TASOR2: variants seen among roughly 807,000 people sequenced by gnomAD.
TASOR2 encodes the protein transcription activation suppressor family member 2.
In TASOR2, 84 loss-of-function variants were observed where a neutral mutation model predicts 199.5. The ratio of observed to expected loss-of-function variants is 0.42; its 90% CI spans 0.35 to 0.50. The LOEUF (loss-of-function observed/expected upper bound fraction) is 0.50, where lower values mean the gene tolerates loss of function less well. TASOR2 is among the 20% of genes least tolerant of loss of function. The pLI is 0.02. For missense variants in TASOR2, 2,796 were observed against 2,835.9 expected (o/e 0.99, Z 0.32); for synonymous variants, 1,103 against 1,046.6 (o/e 1.05, Z -1.04).
At chr10:5,695,013 A>G (rs1836973301) in intron 1 of TASOR2, among the ~76,000 whole-genome samples, 1 of 152,232 alleles carries the variant, frequency 6.6e-6, no homozygotes, top group Non-Finnish European at 1.5e-5. Context: ...ATAAGAGATC[A>G]GTCTATAGTT....
chr10:5,700,892 C>T lies in TASOR2; in HGVS notation c.-287-11931C>T, dbSNP rs142877442. 1.3e-3 allele frequency among the ~76,000 whole-genome samples: 191 copies of T among 151,428 alleles called. 4 individuals carry two copies. The East Asian group carries it at 0.027, about 21-fold the overall frequency. On this transcript the variant is annotated intron_variant, in intron 1 of 20. Transcript: ENST00000328090. Reference sequence around the variant, plus strand: ...TATATTCTGGTTGTTAATCTTTTGGCGGGTGAGTAGTTTGCAAATATTTTC... The same window carrying T: ...TATATTCTGGTTGTTAATCTTTTGGTGGGTGAGTAGTTTGCAAATATTTTC...
At position 5,698,600 on chromosome 10, in the gene TASOR2, G is replaced by A. The variant is rs1837432019; in HGVS notation, c.-288+13425G>A. On this transcript the variant is annotated intron_variant, in intron 1 of 20. Transcript: ENST00000328090. The surrounding 1 kb of genome is among the most constrained non-coding windows in gnomAD (Gnocchi z 4.4). ...TGGGGACATGGTCATTCCTATTTAT[G>A]CATTTTCTATGGCTGTTTTTATGCT... 6.6e-6 allele frequency among the ~76,000 whole-genome samples: 1 copy of A among 152,076 alleles called. No individual in the cohort carries two copies. Among genetic ancestry groups the A allele is most frequent in the Non-Finnish European group, 1.5e-5 (1 of 67,974 alleles).
At chr10:5,731,886 G>A (rs773165744) in intron 11 of TASOR2, among the ~76,000 whole-genome samples, 4 of 152,206 alleles carry the variant, frequency 2.6e-5, no homozygotes, top group Non-Finnish European at 4.4e-5. Flanking sequence ...CCAGCAAACC[G>A]TGATAGCTGA....
chr10:5,753,102 T>C (rs1838307163), intron 15 of TASOR2, among the ~76,000 whole-genome samples: 1 of 152,182 alleles, frequency 6.6e-6, no homozygotes, highest in African/African-American at 2.4e-5. Context: ...AAAGATCCTT[T>C]AAGAAAGAAG....
chr10:5,761,041 A>G (rs1839747974), intron 18 of TASOR2: 2 of 364,200 alleles, frequency 5.5e-6, no homozygotes, highest in Admixed American at 4.4e-5. Context: ...TTGCCAAGCC[A>G]CATGGCTTGA....
intron 1 of TASOR2, among the ~76,000 whole-genome samples, chr10:5,696,872 T>TA (rs202062438): frequency 0.017 from 2,513 of 151,942 alleles, 76 homozygotes; most frequent in African/African-American, 0.058. Flanking sequence ...AAAGTTTATA[T>TA]AAAAAAAACT....
In TASOR2 at chr10:5,689,371, G is replaced by T. The variant is rs970421902; in HGVS notation, c.-288+4196G>T. Among the ~76,000 whole-genome samples the T allele has an allele frequency of 7.2e-5, 11 of 152,212 alleles. No individual in the cohort carries two copies. Among genetic ancestry groups the T allele is most frequent in the African/African-American group, 2.4e-4 (10 of 41,460 alleles). ...AATCCCAGCACTTTGGGTGGCCGAG[G>T]TGGGCGGATCAAGAGGTCAGGAGTT... is the stretch of plus-strand genomic sequence containing the variant. On this transcript the variant is annotated intron_variant, in intron 1 of 20. Transcript: ENST00000328090. The surrounding 1 kb of genome is among the most constrained non-coding windows in gnomAD (Gnocchi z 4.1).
chr10:5,712,980 A>G, intron 2 of TASOR2, 62 bp downstream of exon 2: 1 of 810,898 alleles, frequency 1.2e-6, no homozygotes, highest in Non-Finnish European at 1.7e-6. Context: ...GTGGTACTTC[A>G]GTTCTGTAAG....
Position 5,748,789 on chromosome 10 carries a change from G to A in TASOR2, c.5368G>A (p.Glu1790Lys). Residue 1790 changes from glutamate to lysine, a missense_variant, in exon 15 of 21, where the codon GAG becomes AAG. Transcript: ENST00000328090. The surrounding 1 kb of genome is among the most constrained non-coding windows in gnomAD (Gnocchi z 5.1). The stretch of plus-strand genomic sequence containing the variant: ...TACTTCTGTTTGTGGAATAGCCACA[G>A]AGCACGTAGAAATTGAGAACAGTGG... 2.5e-6 allele frequency: 4 copies of A among 1,614,190 alleles called. No homozygotes were observed. Among genetic ancestry groups the A allele is most frequent in the Non-Finnish European group, 3.4e-6 (4 of 1,180,042 alleles).
chr10:5,727,539 C>T (rs1468958573), intron 10 of TASOR2, among the ~76,000 whole-genome samples: 1 of 152,032 alleles, frequency 6.6e-6, no homozygotes, highest in African/African-American at 2.4e-5. Context: ...ACCCAGAGGA[C>T]CAAAATTTGG....
chr10:5,739,717 C>A, exon 13 of TASOR2: 5 of 1,614,052 alleles, frequency 3.1e-6, no homozygotes, highest in Non-Finnish European at 4.2e-6. Context: ...AATACCACAG[C>A]GGCTCACAAT....
rs1310646654 is a variant in TASOR2, at chr10:5,694,936, A to G, written c.-288+9761A>G. ...TGGAATGAGCCCTAATTGATCTGTTATTATTTTAATGTCCTGATGGATTTA... is the reference window on the plus strand; with the variant it reads ...TGGAATGAGCCCTAATTGATCTGTTGTTATTTTAATGTCCTGATGGATTTA... On this transcript the variant is annotated intron_variant, in intron 1 of 20. Coordinates refer to ENST00000328090, the Ensembl canonical transcript of TASOR2. Among the ~76,000 whole-genome samples, 3 of 152,268 alleles carry G rather than the reference A, an allele frequency of 2.0e-5. No homozygotes were observed. The East Asian group carries it at 5.8e-4, about 29-fold the overall frequency.
intron 10 of TASOR2, among the ~76,000 whole-genome samples, chr10:5,729,324 G>C (rs1243594982): frequency 1.2e-5 from 1 of 86,556 alleles, no homozygotes; most frequent in Non-Finnish European, 2.3e-5. Context: ...CTCCAGCCTG[G>C]GTGACAGAGC....
In TASOR2 at chr10:5,733,244, A is replaced by G. The variant is rs1051564692; in HGVS notation, c.1204+2041A>G. On this transcript the variant is annotated intron_variant, in intron 11 of 20. Transcript: ENST00000328090. ...AGTTCTGGGCTGGGTGTGGTGGCTCATGCCTATAATCCTAACACTTTGGGA... is the reference window on the plus strand; with the variant it reads ...AGTTCTGGGCTGGGTGTGGTGGCTCGTGCCTATAATCCTAACACTTTGGGA... Among the ~76,000 whole-genome samples the G allele has an allele frequency of 5.3e-5, 8 of 152,208 alleles. 1 individual carries two copies. The highest frequency in any genetic ancestry group is 1.7e-4 in the African/African-American group (7 of 41,458).
chr10:5,715,799 T>C lies in TASOR2; in HGVS notation c.-191-1860T>C, dbSNP rs1319633396. 6.6e-5 allele frequency among the ~76,000 whole-genome samples: 10 copies of C among 152,286 alleles called. No homozygotes were observed. The East Asian group carries it at 1.4e-3, about 21-fold the overall frequency. On this transcript the variant is annotated intron_variant, in intron 2 of 20. Coordinates refer to ENST00000328090, the Ensembl canonical transcript of TASOR2. ...CTGAGATTACAGGCACACATCACCA[T>C]GCATAACTAATTTTTGTATTTTTAG...
chr10:5,700,224 C>T (rs1022937846), intron 1 of TASOR2, among the ~76,000 whole-genome samples: 1 of 152,066 alleles, frequency 6.6e-6, no homozygotes, highest in Non-Finnish European at 1.5e-5. Flanking sequence ...TTTCACTTAA[C>T]ATAAAGACCT....
rs1836211589 is a variant in TASOR2, at chr10:5,740,261, A to G, written c.2091A>G (p.Pro697=). ...CAACCCCAGTGGGGAAAGTCATGCC[A>G]TTTCGGCATCAGCCCGGCCTTTTGC... Residue 697 remains proline (P), a synonymous_variant, in exon 13 of 21, where the codon CCA becomes CCG. Coordinates refer to ENST00000328090, the Ensembl canonical transcript of TASOR2. The surrounding 1 kb of genome is among the most constrained non-coding windows in gnomAD (Gnocchi z 5.3). 2 of 1,614,076 alleles carry G rather than the reference A, an allele frequency of 1.2e-6. No individual in the cohort carries two copies. The highest frequency in any genetic ancestry group is 8.5e-7 in the Non-Finnish European group (1 of 1,180,036).
chr10:5,717,376 T>G (rs1220701746), intron 2 of TASOR2, among the ~76,000 whole-genome samples: 1 of 152,184 alleles, frequency 6.6e-6, no homozygotes, highest in Non-Finnish European at 1.5e-5. Flanking sequence ...AGTGACTTAT[T>G]CTTACCTGGA....
In TASOR2 at chr10:5,710,418, A is replaced by C. The variant is rs776471838; in HGVS notation, c.-287-2405A>C. Among the ~76,000 whole-genome samples the C allele has an allele frequency of 2.6e-4, 40 of 152,122 alleles. No homozygotes were observed. Among genetic ancestry groups the C allele is most frequent in the Non-Finnish European group, 3.4e-4 (23 of 67,958 alleles). On this transcript the variant is annotated intron_variant, in intron 1 of 20. Transcript: ENST00000328090. This position sits in a 1 kb window ranked among gnomAD's most constrained non-coding sequence, Gnocchi z 4.6. ...TTAACCATAAATAAATAGTTCTGGA[A>C]ATAAAAATATATATAAGCAAAAAAT... is the stretch of plus-strand genomic sequence containing the variant.
Sources: gnomAD v4.1 joint callset for allele counts (sites outside exome capture counted in the v4.1 genomes callset) on GRCh38, gnomAD v4.1.1 for gene constraint, Gnocchi (gnomAD v3.1) non-coding constraint, MANE v1.5 for transcripts, NCBI Gene and HGNC (gene_info 2026-07-23, HGNC 2026-07-21) for gene names.